TMEM117: variants seen among roughly 807,000 people sequenced by gnomAD.
The protein encoded by TMEM117 is transmembrane protein 117.
Under a neutral mutation model 52.4 loss-of-function variants are expected in TMEM117, and 27 were observed. The observed-to-expected ratio is 0.51, with a 90% CI of 0.38 to 0.71. The LOEUF (loss-of-function observed/expected upper bound fraction) is 0.71. Ranked by LOEUF, TMEM117 falls within the 30% of genes least tolerant of loss-of-function variation. TMEM117 has a pLI of 0.00. For synonymous variants in TMEM117, 215 were observed against 206.3 expected (o/e 1.04, Z -0.36); for missense variants, 556 against 630.5 (o/e 0.88, Z 1.26).
At chr12:44,253,678 A>G (rs1950221475) in intron 5 of TMEM117, among the ~76,000 whole-genome samples, 1 of 152,128 alleles carries the variant, frequency 6.6e-6, no homozygotes, top group South Asian at 2.1e-4. Flanking sequence ...ATCATAGTGA[A>G]GCTGACATTA....
At chr12:44,157,716 A>G (rs1438420825) in intron 4 of TMEM117, among the ~76,000 whole-genome samples, 1 of 152,194 alleles carries the variant, frequency 6.6e-6, no homozygotes. Flanking sequence ...TGAAAACACA[A>G]TAAAAAGTTT....
rs555656831 is a variant in TMEM117, at chr12:44,029,431, C to T, written c.410+85089C>T. Among the ~76,000 whole-genome samples, 50 of 152,254 alleles carry T rather than the reference C, an allele frequency of 3.3e-4. No individual in the cohort carries two copies. The South Asian group carries it at 0.01, about 31-fold the overall frequency. On this transcript the variant is annotated intron_variant, in intron 3 of 7. Coordinates refer to ENST00000266534, the MANE Select transcript of TMEM117 (RefSeq NM_032256.3). Reference sequence around the variant, plus strand: ...ATTAGGCATGTTCAGGATCATGGGACATGGGGAACTTTTTCCTCCCTAAAT... The same window carrying T: ...ATTAGGCATGTTCAGGATCATGGGATATGGGGAACTTTTTCCTCCCTAAAT...
At chr12:43,819,476 G>T in the TMEM117 span, among the ~76,000 whole-genome samples, 1 of 152,098 alleles carries the variant, frequency 6.6e-6, no homozygotes, top group Non-Finnish European at 1.5e-5. Flanking sequence ...TGACTGGGTG[G>T]TTAAATTGAA....
At chr12:44,397,177 C>G in the TMEM117 span, among the ~76,000 whole-genome samples, 4 of 152,122 alleles carry the variant, frequency 2.6e-5, no homozygotes, top group Non-Finnish European at 4.4e-5. Context: ...AGCAGCCAGT[C>G]AGAGGGGGCA....
At chr12:44,116,279 C>G (rs1025017774) in intron 3 of TMEM117, among the ~76,000 whole-genome samples, 1 of 152,214 alleles carries the variant, frequency 6.6e-6, no homozygotes, top group African/African-American at 2.4e-5. Context: ...GCTGCCTTCT[C>G]TTTAAACAGT....
At chr12:44,353,766 A>T (rs1446261148) in intron 6 of TMEM117, among the ~76,000 whole-genome samples, 1 of 152,104 alleles carries the variant, frequency 6.6e-6, no homozygotes, top group Admixed American at 6.6e-5. Flanking sequence ...CTTAGGATTG[A>T]CTTGGCGATG....
At chr12:44,150,479 AC>A (rs1273944265) in intron 4 of TMEM117, among the ~76,000 whole-genome samples, 1 of 152,122 alleles carries the variant, frequency 6.6e-6, no homozygotes, top group African/African-American at 2.4e-5. Context: ...CACAGACAAA[AC>A]CCAAGGACGG....
intron 5 of TMEM117, among the ~76,000 whole-genome samples, chr12:44,285,559 T>A (rs1445228926): frequency 6.6e-6 from 1 of 152,212 alleles, no homozygotes; most frequent in African/African-American, 2.4e-5. Flanking sequence ...CGACATTTCC[T>A]GATCTCAAGA....
At chr12:44,375,446 G>A (rs117462066) in intron 6 of TMEM117, among the ~76,000 whole-genome samples, 10 of 152,192 alleles carry the variant, frequency 6.6e-5, no homozygotes, top group East Asian at 1.9e-4. Context: ...GGCTTTCCTC[G>A]TTATTGCCAC....
At position 44,389,061 on chromosome 12, in the gene TMEM117, T is replaced by G; in HGVS notation, c.*389T>G. On this transcript the variant is annotated 3_prime_UTR_variant, in exon 8 of 8. Coordinates refer to ENST00000266534, the MANE Select transcript of TMEM117 (RefSeq NM_032256.3). ...CCTAACCTATTTCACATGGGCGTTT[T>G]GTATACAACTATTTTGATCTACACT... 1 of 153,192 alleles carries G rather than the reference T, an allele frequency of 6.5e-6. No individual in the cohort carries two copies. The highest frequency in any genetic ancestry group is 1.4e-5 in the Non-Finnish European group (1 of 69,698). The allele number at this position is 153,192 out of a possible 1,614,324, so 9.5% of individuals were successfully genotyped here.
intron 3 of TMEM117, among the ~76,000 whole-genome samples, chr12:43,995,893 C>A (rs972262100): frequency 6.6e-6 from 1 of 152,136 alleles, no homozygotes; most frequent in African/African-American, 2.4e-5. Context: ...GGAGTTTTGT[C>A]TCCAAATAAA....
chr12:43,898,902 C>G (rs1327273274), intron 2 of TMEM117, among the ~76,000 whole-genome samples: 1 of 152,196 alleles, frequency 6.6e-6, no homozygotes, highest in African/African-American at 2.4e-5. Context: ...ATCTGACAGA[C>G]TTGAGAACTT....
At chr12:44,365,146 C>T (rs1416871678) in intron 6 of TMEM117, among the ~76,000 whole-genome samples, 3 of 151,984 alleles carry the variant, frequency 2.0e-5, no homozygotes, top group Non-Finnish European at 4.4e-5. Context: ...TGGCCATAAA[C>T]CATCTACAGT....
rs192953401 is a variant in TMEM117, at chr12:44,276,881, A to C, written c.609-22699A>C. 1.1e-4 allele frequency among the ~76,000 whole-genome samples: 16 copies of C among 150,772 alleles called. No homozygotes were observed. In the East Asian group the frequency reaches 2.9e-3, roughly 27 times the overall value. Reference sequence around the variant, plus strand: ...CCTTTGAGAAGTTCTTTTTAAATACATGAAAAGTTTGTGTGTGTGTGTGTG... The same window carrying C: ...CCTTTGAGAAGTTCTTTTTAAATACCTGAAAAGTTTGTGTGTGTGTGTGTG... On this transcript the variant is annotated intron_variant, in intron 5 of 7. Transcript: ENST00000266534.
chr12:44,191,738 G>A (rs561188890), intron 4 of TMEM117, among the ~76,000 whole-genome samples: 4 of 152,196 alleles, frequency 2.6e-5, no homozygotes, highest in African/African-American at 2.4e-5. Flanking sequence ...CCAAGGATGC[G>A]AGTCAATGAG....
At chr12:44,026,472 A>G (rs761338538) in intron 3 of TMEM117, among the ~76,000 whole-genome samples, 8 of 152,208 alleles carry the variant, frequency 5.3e-5, no homozygotes, top group Non-Finnish European at 1.0e-4. Context: ...TCACTGAGAC[A>G]GTCCCTGACC....
At chr12:44,298,277 G>A (rs895417738) in intron 5 of TMEM117, among the ~76,000 whole-genome samples, 4 of 150,362 alleles carry the variant, frequency 2.7e-5, no homozygotes, top group African/African-American at 1.0e-4. Flanking sequence ...GACATTAGAG[G>A]GCAAAAACGG....
At chr12:44,311,929 A>G (rs546651468) in intron 6 of TMEM117, among the ~76,000 whole-genome samples, 16 of 143,502 alleles carry the variant, frequency 1.1e-4, no homozygotes, top group Non-Finnish European at 2.0e-4. Context: ...ATATATATAT[A>G]TTTTTCCTCC....
chr12:43,828,464 G>A, the TMEM117 span, among the ~76,000 whole-genome samples: 1 of 152,192 alleles, frequency 6.6e-6, no homozygotes, highest in East Asian at 1.9e-4. Flanking sequence ...AATACTAGGG[G>A]TAGGGGGTTG....
Sources: allele counts gnomAD v4.1 joint callset (sites outside exome capture counted in the v4.1 genomes callset), GRCh38; gene constraint gnomAD v4.1.1; transcripts MANE v1.5; gene names NCBI Gene and HGNC (gene_info 2026-07-23, HGNC 2026-07-21).